OR2L13: variants seen among roughly 807,000 people sequenced by gnomAD.
OR2L13 encodes olfactory receptor 2L13.
In OR2L13, 14 loss-of-function variants were observed where a neutral mutation model predicts 15.3. That is an observed-to-expected ratio of 0.91 (90% CI 0.60 to 1.43). OR2L13 has a LOEUF of 1.43. OR2L13 is among the 40% of genes most tolerant of loss of function. OR2L13 has a pLI of 0.00. For synonymous variants in OR2L13, 152 were observed against 142.9 expected, an observed-to-expected ratio of 1.06 and a Z score of -0.45; for missense variants, 367 against 387.9, an observed-to-expected ratio of 0.95 and a Z score of 0.45.
the OR2L13 span, chr1:248,061,510 TAC>T: frequency 2.5e-6 from 4 of 1,613,916 alleles, no homozygotes; most frequent in East Asian, 8.9e-5. Context: ...GGCTGTCTTC[TAC>T]ACCACCCTCA....
At chr1:248,099,311 A>C (rs1664796465) in intron 2 of OR2L13, 47 bp from the exon 3 acceptor site, 5 of 1,097,770 alleles carry the variant, frequency 4.6e-6, no homozygotes, top group Non-Finnish European at 6.7e-6. Flanking sequence ...ATTGTGTTTT[A>C]TTTCATGTTT....
At chr1:247,990,600 G>A in the OR2L13 span, 16 of 1,551,194 alleles carry the variant, frequency 1.0e-5, no homozygotes, top group Non-Finnish European at 1.4e-5. Context: ...GTGCAGAAGC[G>A]CTGCTCCTGA....
At chr1:247,976,606 A>G in the OR2L13 span, among the ~76,000 whole-genome samples, 4 of 152,236 alleles carry the variant, frequency 2.6e-5, no homozygotes, top group African/African-American at 9.6e-5. Context: ...TACAGTTTTA[A>G]TAACATAAAA....
chr1:247,976,905 A>G, the OR2L13 span, among the ~76,000 whole-genome samples: 3 of 152,170 alleles, frequency 2.0e-5, no homozygotes, highest in Non-Finnish European at 4.4e-5. Flanking sequence ...ATTGTTCTCT[A>G]TCCTCACAAG....
the OR2L13 span, among the ~76,000 whole-genome samples, chr1:248,010,760 GTTGTTT>G: frequency 2.3e-4 from 7 of 31,064 alleles, no homozygotes; most frequent in East Asian, 8.2e-4. Flanking sequence ...CTGCTTTGTT[GTTGTTT>G]TTTTTTTTTT....
the OR2L13 span, among the ~76,000 whole-genome samples, chr1:247,938,612 AG>A: frequency 5.9e-5 from 9 of 152,282 alleles, no homozygotes; most frequent in African/African-American, 1.9e-4. Context: ...GCCTACATTG[AG>A]GGTAGTAGAA....
At chr1:248,097,433 C>T (rs945730267) in intron 1 of OR2L13, 2 of 152,178 alleles carry the variant, frequency 1.3e-5, no homozygotes, top group Non-Finnish European at 2.9e-5. Context: ...TGCTGGACAT[C>T]AATGGAAATA....
At chr1:248,039,291 C>A in the OR2L13 span, 1 of 1,269,758 alleles carries the variant, frequency 7.9e-7, no homozygotes. Context: ...TATTACATGC[C>A]CAGTGTGTCA....
At chr1:248,068,200 G>A in the OR2L13 span, among the ~76,000 whole-genome samples, 1 of 152,162 alleles carries the variant, frequency 6.6e-6, no homozygotes, top group African/African-American at 2.4e-5. Flanking sequence ...CTCCTCAAGT[G>A]GGTCCCTGAC....
At chr1:248,022,893 G>A in the OR2L13 span, 12 of 1,595,372 alleles carry the variant, frequency 7.5e-6, no homozygotes, top group South Asian at 3.4e-5. Flanking sequence ...GTAGACATAC[G>A]TTCTGTGTTA....
At chr1:248,098,377 GTTTTTA>G (rs1664779057) in intron 1 of OR2L13, among the ~76,000 whole-genome samples, 1 of 152,072 alleles carries the variant, frequency 6.6e-6, no homozygotes, top group South Asian at 2.1e-4. Context: ...TTTCTGATCA[GTTTTTA>G]TTTCTAAAGC....
At chr1:247,981,229 A>G in the OR2L13 span, among the ~76,000 whole-genome samples, 2 of 152,228 alleles carry the variant, frequency 1.3e-5, no homozygotes, top group Admixed American at 6.5e-5. Context: ...AGTCAAATTA[A>G]TGAATCCACA....
chr1:248,080,033 T>C, the OR2L13 span, among the ~76,000 whole-genome samples: 1 of 152,028 alleles, frequency 6.6e-6, no homozygotes, highest in Non-Finnish European at 1.5e-5. Context: ...CCCACCAATA[T>C]GTTAGAATAA....
the OR2L13 span, among the ~76,000 whole-genome samples, chr1:248,005,985 C>T: frequency 6.6e-6 from 1 of 152,116 alleles, no homozygotes; most frequent in Non-Finnish European, 1.5e-5. Flanking sequence ...AACTTCTTGC[C>T]ATTTCCTGTC....
At chr1:248,003,604 C>T in the OR2L13 span, 410 of 1,611,414 alleles carry the variant, frequency 2.5e-4, no homozygotes, top group Non-Finnish European at 3.2e-4. Flanking sequence ...CTTGTGCTCA[C>T]ACTGTATATA....
chr1:247,944,259 T>A, the OR2L13 span, among the ~76,000 whole-genome samples: 1 of 141,056 alleles, frequency 7.1e-6, no homozygotes, highest in African/African-American at 3.2e-5. Flanking sequence ...CCATTGAATC[T>A]TTTTTTTTGC....
chr1:248,071,849 C>T, the OR2L13 span, among the ~76,000 whole-genome samples: 3 of 150,554 alleles, frequency 2.0e-5, no homozygotes, highest in Non-Finnish European at 4.5e-5. Context: ...AAACAGAGAG[C>T]CAAATCATGA....
chr1:248,062,595 G>A, the OR2L13 span: 1 of 152,254 alleles, frequency 6.6e-6, no homozygotes, highest in Admixed American at 6.5e-5. Context: ...GGACGATAAA[G>A]TGGGGATGGC....
chr1:247,961,714 T>C, the OR2L13 span, among the ~76,000 whole-genome samples: 1 of 152,218 alleles, frequency 6.6e-6, no homozygotes, highest in Admixed American at 6.5e-5. Context: ...TGTGTTTTTA[T>C]TGGGAGGCAA....
Sources: allele counts gnomAD v4.1 joint callset (sites outside exome capture counted in the v4.1 genomes callset), GRCh38; gene constraint gnomAD v4.1.1; transcripts MANE v1.5; gene names NCBI Gene and HGNC (gene_info 2026-07-23, HGNC 2026-07-21).